EYS: variants seen among roughly 807,000 people sequenced by gnomAD.
The protein encoded by EYS is EGF-like photoreceptor maintenance factor, also known as protein eyes shut homolog.
A neutral mutation model predicts 282.1 loss-of-function variants in EYS; 250 were observed. The observed-to-expected ratio is 0.89, with a 90% CI of 0.80 to 0.98. The LOEUF (loss-of-function observed/expected upper bound fraction) is 0.98, where lower values mean the gene tolerates loss of function less well. Ranked by LOEUF, EYS falls within the 50% of genes least tolerant of loss-of-function variation. The pLI, the probability that EYS is intolerant of heterozygous loss-of-function variation, is 0.00. For synonymous variants in EYS, 1,355 were observed against 1,282.9 expected, an observed-to-expected ratio of 1.06 and a Z score of -1.20; for missense variants, 4,016 against 3,709.0, an observed-to-expected ratio of 1.08 and a Z score of -2.15.
At chr6:64,423,067 CA>C (rs1209730999) in intron 28 of EYS, among the ~76,000 whole-genome samples, 5 of 152,036 alleles carry the variant, frequency 3.3e-5, no homozygotes, top group Non-Finnish European at 7.4e-5. Context: ...TTCATTCAAT[CA>C]ATCACTCAGT....
chr6:64,743,759 G>A (rs1251145749), intron 22 of EYS, among the ~76,000 whole-genome samples: 2 of 152,028 alleles, frequency 1.3e-5, no homozygotes, highest in African/African-American at 2.4e-5. Context: ...TTACATAAGG[G>A]TTAGAATATT....
intron 15 of EYS, among the ~76,000 whole-genome samples, chr6:64,914,790 G>A (rs1015354022): frequency 1.3e-5 from 2 of 152,146 alleles, no homozygotes; most frequent in East Asian, 3.9e-4. Context: ...TAAGCCAGTG[G>A]ATTTCACAGC....
chr6:64,039,905 T>A (rs1184490621), intron 33 of EYS, among the ~76,000 whole-genome samples: 1 of 152,174 alleles, frequency 6.6e-6, no homozygotes, highest in African/African-American at 2.4e-5. Context: ...TTAAACTTAA[T>A]AACATAGGGA....
In EYS at chr6:65,495,511, C is replaced by T. The variant is rs564008138; in HGVS notation, c.-101G>A. 115 of 1,314,888 alleles carry T rather than the reference C, an allele frequency of 8.7e-5. No homozygotes were observed. The African/African-American group carries it at 1.6e-3, about 18-fold the overall frequency. 81.5% of individuals were successfully genotyped at this position (1,314,888 alleles called of 1,614,324 possible). A position where few individuals can be genotyped will look rare whatever the true frequency, so the allele number is the denominator to read the frequency against. ...CCAAGTAAAGTTGTGGTTAAGGATTCCTGGGAATTGGAATTGACCTTTTTT... is the reference window on the plus strand; with the variant it reads ...CCAAGTAAAGTTGTGGTTAAGGATTTCTGGGAATTGGAATTGACCTTTTTT... On this transcript the variant is annotated 5_prime_UTR_variant, in exon 4 of 43. Transcript: ENST00000503581.
At chr6:64,851,317 A>AT (rs968139165) in intron 19 of EYS, among the ~76,000 whole-genome samples, 1 of 152,068 alleles carries the variant, frequency 6.6e-6, no homozygotes, top group East Asian at 1.9e-4. Flanking sequence ...TTGTTTCGTG[A>AT]TTTTTTTTAA....
chr6:63,937,671 G>A (rs1222491365), intron 35 of EYS, among the ~76,000 whole-genome samples: 2 of 151,982 alleles, frequency 1.3e-5, no homozygotes, highest in Admixed American at 6.6e-5. Flanking sequence ...GTGAGCCACC[G>A]CGCCTGGCCA....
intron 35 of EYS, among the ~76,000 whole-genome samples, chr6:63,906,510 A>G (rs1032552933): frequency 1.3e-5 from 2 of 152,220 alleles, no homozygotes; most frequent in African/African-American, 4.8e-5. Context: ...AAAGCCTCTA[A>G]ATACATACAT....
intron 29 of EYS, among the ~76,000 whole-genome samples, chr6:64,307,515 C>G (rs6902995): frequency 0.72 from 108,973 of 151,890 alleles, 39,287 homozygotes; most frequent in African/African-American, 0.79. Flanking sequence ...CAGAAATAGA[C>G]ACCAAATCTG....
chr6:64,920,472 T>C (rs374288223), intron 15 of EYS, among the ~76,000 whole-genome samples: 2 of 152,278 alleles, frequency 1.3e-5, no homozygotes, highest in African/African-American at 4.8e-5. Context: ...AATCAGTTTC[T>C]GAGCAAGTAA....
At chr6:64,428,523 A>T (rs924939044) in intron 28 of EYS, among the ~76,000 whole-genome samples, 1 of 152,138 alleles carries the variant, frequency 6.6e-6, no homozygotes, top group Non-Finnish European at 1.5e-5. Context: ...ATCAAAAACA[A>T]GACATATTTC....
intron 22 of EYS, among the ~76,000 whole-genome samples, chr6:64,800,701 A>G (rs938209590): frequency 5.3e-5 from 8 of 152,130 alleles, no homozygotes; most frequent in African/African-American, 1.4e-4. Flanking sequence ...GTAAAATACC[A>G]TATAATTCCA....
chr6:63,749,024 G>A (rs1402915698), intron 41 of EYS, among the ~76,000 whole-genome samples: 3 of 152,010 alleles, frequency 2.0e-5, no homozygotes, highest in African/African-American at 7.2e-5. Context: ...TCTTCTGCTA[G>A]CTTTGGGCTT....
chr6:65,275,181 T>C (rs562566911), intron 12 of EYS, among the ~76,000 whole-genome samples: 69 of 152,228 alleles, frequency 4.5e-4, no homozygotes, highest in African/African-American at 1.5e-3. Context: ...TTCCTATAGG[T>C]AAATCATAGT....
chr6:65,105,213 A>T (rs1239914822), intron 12 of EYS, among the ~76,000 whole-genome samples: 1 of 151,794 alleles, frequency 6.6e-6, no homozygotes, highest in Non-Finnish European at 1.5e-5. Context: ...GCAAAAATCA[A>T]ACAATTTTAA....
At chr6:64,409,315 A>G (rs543105786) in intron 28 of EYS, among the ~76,000 whole-genome samples, 213 of 152,302 alleles carry the variant, frequency 1.4e-3, no homozygotes, top group Non-Finnish European at 2.4e-3. Flanking sequence ...TATACCCAGC[A>G]ATGGGATTGT....
chr6:65,292,400 G>A (rs771635652), intron 12 of EYS, among the ~76,000 whole-genome samples: 12 of 151,642 alleles, frequency 7.9e-5, no homozygotes, highest in African/African-American at 2.9e-4. Context: ...AGACTGGAAT[G>A]TCGAAGGAAG....
chr6:65,086,562 A>G (rs1774382508), intron 12 of EYS, among the ~76,000 whole-genome samples: 1 of 152,180 alleles, frequency 6.6e-6, no homozygotes, highest in Non-Finnish European at 1.5e-5. Flanking sequence ...CCAAAAGCTT[A>G]AAAGGAGAAA....
intron 14 of EYS, among the ~76,000 whole-genome samples, chr6:64,954,395 T>C (rs2150101652): frequency 6.6e-6 from 1 of 152,324 alleles, no homozygotes; most frequent in Middle Eastern, 3.4e-3. Flanking sequence ...ATGTTTTGAA[T>C]ATTATCTTCC....
intron 41 of EYS, among the ~76,000 whole-genome samples, chr6:63,743,400 C>T (rs1769132940): frequency 1.3e-5 from 2 of 152,216 alleles, no homozygotes; most frequent in South Asian, 4.1e-4. Context: ...TATCAGCTTG[C>T]ACCTAAGTAA....
Sources: allele counts gnomAD v4.1 joint callset (sites outside exome capture counted in the v4.1 genomes callset), GRCh38; gene constraint gnomAD v4.1.1; transcripts MANE v1.5; gene names NCBI Gene and HGNC (gene_info 2026-07-23, HGNC 2026-07-21).